The following NKAIN2 variants were observed in gnomAD, a reference collection of about 807,000 sequenced individuals.
NKAIN2 encodes the protein sodium/potassium transporting ATPase interacting 2, also known as sodium/potassium-transporting ATPase subunit beta-1-interacting protein 2.
A neutral mutation model predicts 32.6 loss-of-function variants in NKAIN2; 14 were observed. The observed-to-expected ratio is 0.43, with a 90% CI of 0.28 to 0.67. NKAIN2 has a LOEUF of 0.67. Ranked by LOEUF, NKAIN2 falls within the 30% of genes least tolerant of loss-of-function variation. The probability of loss-of-function intolerance (pLI) is 0.17; values close to 1 mark genes in which losing one functional copy is unlikely to be tolerated. For synonymous variants in NKAIN2, 80 were observed against 87.2 expected (o/e 0.92, Z 0.46); for missense variants, 198 against 258.3 (o/e 0.77, Z 1.60).
chr6:124,649,801 T>G lies in NKAIN2; in HGVS notation c.274-8385T>G, dbSNP rs151272634. ...AACAAACTGTGATTTGTCCCAGGTATGCAAAGCTGGTTCAAAATTCATGTA... is the reference window on the plus strand; with the variant it reads ...AACAAACTGTGATTTGTCCCAGGTAGGCAAAGCTGGTTCAAAATTCATGTA... On this transcript the variant is annotated intron_variant, in intron 3 of 6. Transcript: ENST00000368417. 5.3e-5 allele frequency among the ~76,000 whole-genome samples: 8 copies of G among 152,300 alleles called. No homozygotes were observed. In the East Asian group the frequency reaches 1.5e-3, roughly 29 times the overall value.
chr6:124,686,359 GA>G (rs1449011808), intron 4 of NKAIN2, among the ~76,000 whole-genome samples: 4 of 152,154 alleles, frequency 2.6e-5, no homozygotes, highest in African/African-American at 7.2e-5. Context: ...CAGGAAGCAT[GA>G]CAGCTTCTGC....
chr6:124,205,326 A>G (rs928455678), intron 1 of NKAIN2, among the ~76,000 whole-genome samples: 1 of 150,534 alleles, frequency 6.6e-6, no homozygotes, highest in Non-Finnish European at 1.5e-5. Flanking sequence ...CAGCAATTCT[A>G]GAATACTCTG....
chr6:124,794,800 T>G, intron 5 of NKAIN2: 20 of 695,566 alleles, frequency 2.9e-5, no homozygotes, highest in South Asian at 6.4e-5. Flanking sequence ...TGCTTTGGGT[T>G]GATATTCTCT....
intron 4 of NKAIN2, among the ~76,000 whole-genome samples, chr6:124,737,151 T>C (rs973228039): frequency 6.6e-6 from 1 of 151,900 alleles, no homozygotes; most frequent in Admixed American, 6.6e-5. Context: ...GTCATTAATA[T>C]GGCTTGGCTG....
intron 1 of NKAIN2, among the ~76,000 whole-genome samples, chr6:123,959,143 G>A (rs1292946273): frequency 6.6e-6 from 1 of 152,142 alleles, no homozygotes; most frequent in African/African-American, 2.4e-5. Context: ...AAATGAGTCA[G>A]GTTTTGCCAG....
intron 3 of NKAIN2, among the ~76,000 whole-genome samples, chr6:124,571,850 A>G (rs950032270): frequency 1.3e-5 from 2 of 152,124 alleles, no homozygotes; most frequent in African/African-American, 4.8e-5. Context: ...ATCTAGAACA[A>G]CATAATTCTT....
intron 3 of NKAIN2, among the ~76,000 whole-genome samples, chr6:124,411,431 T>A (rs1774176648): frequency 6.6e-6 from 1 of 152,174 alleles, no homozygotes; most frequent in Non-Finnish European, 1.5e-5. Flanking sequence ...TATTTCTCCT[T>A]CACTTATGAA....
At chr6:124,781,508 G>T (rs1733676919) in intron 4 of NKAIN2, among the ~76,000 whole-genome samples, 1 of 152,018 alleles carries the variant, frequency 6.6e-6, no homozygotes, top group South Asian at 2.1e-4. Flanking sequence ...TGATTGGTTG[G>T]TTTTGAGGTT....
intron 5 of NKAIN2, among the ~76,000 whole-genome samples, chr6:124,811,470 A>T (rs756273151): frequency 6.6e-6 from 1 of 152,192 alleles, no homozygotes; most frequent in Non-Finnish European, 1.5e-5. Flanking sequence ...CACAACAGGA[A>T]ATATATTGTC....
chr6:123,902,209 T>G (rs1207755192), intron 1 of NKAIN2, among the ~76,000 whole-genome samples: 1 of 152,112 alleles, frequency 6.6e-6, no homozygotes, highest in Admixed American at 6.5e-5. Flanking sequence ...ACATACTACA[T>G]AGACTCACAT....
At chr6:123,870,151 A>G (rs1165013518) in intron 1 of NKAIN2, among the ~76,000 whole-genome samples, 4 of 152,148 alleles carry the variant, frequency 2.6e-5, no homozygotes, top group African/African-American at 4.8e-5. Context: ...AGAGACAAAA[A>G]TTCTTGCTCT....
intron 1 of NKAIN2, among the ~76,000 whole-genome samples, chr6:124,178,752 A>T (rs1164856734): frequency 1.3e-5 from 2 of 152,208 alleles, no homozygotes; most frequent in Non-Finnish European, 2.9e-5. Context: ...CAGTATTCAT[A>T]CCTGGGCAAT....
At chr6:124,143,194 C>A (rs933478462) in intron 1 of NKAIN2, among the ~76,000 whole-genome samples, 1 of 152,170 alleles carries the variant, frequency 6.6e-6, no homozygotes, top group African/African-American at 2.4e-5. Flanking sequence ...AGCAGCAGCT[C>A]ATGCCTAATA....
chr6:124,793,995 A>G lies in NKAIN2; in HGVS notation c.535+2596A>G, dbSNP rs554126195. Reference sequence around the variant, plus strand: ...GAACCTTTAGTTCAAATCCTACAAGAAGAAATGGATGAGGCAGGGTAGGAA... The same window carrying G: ...GAACCTTTAGTTCAAATCCTACAAGGAGAAATGGATGAGGCAGGGTAGGAA... On this transcript the variant is annotated intron_variant, in intron 5 of 6. Transcript: ENST00000368417. 5.3e-5 allele frequency among the ~76,000 whole-genome samples: 8 copies of G among 152,284 alleles called. No homozygotes were observed. In the South Asian group the frequency reaches 1.7e-3, roughly 32 times the overall value.
At chr6:124,734,641 G>A (rs779084108) in intron 4 of NKAIN2, among the ~76,000 whole-genome samples, 20 of 151,848 alleles carry the variant, frequency 1.3e-4, no homozygotes, top group Non-Finnish European at 2.9e-4. Context: ...CACTCCAAGA[G>A]TAGGTAGTGG....
At chr6:124,337,321 AC>A (rs2115069598) in intron 2 of NKAIN2, among the ~76,000 whole-genome samples, 1 of 152,170 alleles carries the variant, frequency 6.6e-6, no homozygotes, top group East Asian at 1.9e-4. Flanking sequence ...AGATGGCAAG[AC>A]CCTGTCTCTA....
At chr6:124,078,531 A>T (rs573256232) in intron 1 of NKAIN2, among the ~76,000 whole-genome samples, 1 of 152,184 alleles carries the variant, frequency 6.6e-6, no homozygotes, top group Non-Finnish European at 1.5e-5. Flanking sequence ...CACAGCTAAT[A>T]AAGGGCAGAA....
At chr6:124,007,845 T>A (rs1780142063) in intron 1 of NKAIN2, among the ~76,000 whole-genome samples, 1 of 152,214 alleles carries the variant, frequency 6.6e-6, no homozygotes, top group African/African-American at 2.4e-5. Context: ...TTATTCCTTT[T>A]CAGGAATGTG....
At chr6:124,421,074 T>TA (rs35625714) in intron 3 of NKAIN2, among the ~76,000 whole-genome samples, 63,858 of 133,438 alleles carry the variant, frequency 0.48, 16,870 homozygotes, top group South Asian at 0.65. Flanking sequence ...CTGTCAAAAT[T>TA]AAAAAAAAAA....
Sources: allele counts gnomAD v4.1 joint callset (sites outside exome capture counted in the v4.1 genomes callset), GRCh38; gene constraint gnomAD v4.1.1; transcripts MANE v1.5; gene names NCBI Gene and HGNC (gene_info 2026-07-23, HGNC 2026-07-21).